TIAM1: variants seen among roughly 807,000 people sequenced by gnomAD.
The protein encoded by TIAM1 is TIAM Rac1 associated GEF 1, also known as rho guanine nucleotide exchange factor TIAM1.
A neutral mutation model predicts 163.5 loss-of-function variants in TIAM1; 65 were observed. The observed-to-expected ratio is 0.40, with a 90% confidence interval of 0.33 to 0.49. TIAM1 has a LOEUF of 0.49. Among genes scored for constraint, TIAM1 ranks in the 20% least tolerant of loss-of-function variants. The pLI is 0.77. For synonymous variants in TIAM1, 833 were observed against 810.1 expected, an observed-to-expected ratio of 1.03 and a Z score of -0.48; for missense variants, 1,789 against 2,044.7, an observed-to-expected ratio of 0.87 and a Z score of 2.41.
chr21:31,415,116 C>T (rs2043326567), intron 2 of TIAM1, among the ~76,000 whole-genome samples: 1 of 152,192 alleles, frequency 6.6e-6, no homozygotes, highest in African/African-American at 2.4e-5. Context: ...CCACGTAAAA[C>T]AAATGGGAGA....
intron 6 of TIAM1, among the ~76,000 whole-genome samples, chr21:31,226,802 T>C (rs563425804): frequency 2.0e-5 from 3 of 152,136 alleles, no homozygotes; most frequent in Non-Finnish European, 4.4e-5. Context: ...TTAGCCCATC[T>C]CAAGAAATAA....
intron 6 of TIAM1, 107 bp from the exon 7 acceptor site, chr21:31,226,057 G>C: frequency 1.1e-6 from 1 of 897,992 alleles, no homozygotes; most frequent in Non-Finnish European, 1.7e-6. Flanking sequence ...GAGGTGACAG[G>C]TCTAGACACC....
intron 1 of TIAM1, among the ~76,000 whole-genome samples, chr21:31,343,934 G>A (rs2076093130): frequency 6.6e-6 from 1 of 152,178 alleles, no homozygotes; most frequent in African/African-American, 2.4e-5. Context: ...GGCAACGCGC[G>A]CCGAGCCTCG....
chr21:31,451,625 C>T (rs2147326355), intron 2 of TIAM1, among the ~76,000 whole-genome samples: 1 of 151,724 alleles, frequency 6.6e-6, no homozygotes, highest in Admixed American at 6.6e-5. Context: ...ACCAACACAG[C>T]AGAAATGTGG....
chr21:31,282,911 C>T (rs1168782498), intron 2 of TIAM1, among the ~76,000 whole-genome samples: 2 of 152,198 alleles, frequency 1.3e-5, no homozygotes, highest in Non-Finnish European at 2.9e-5. Context: ...CAAATATATC[C>T]TAAATAAACT....
rs1355569423 is a variant in TIAM1 at position 31,195,281 on chromosome 21, G to T, written c.2518C>A (p.Pro840Thr). The change falls in exon 13 of 28, where the codon CCA becomes ACA. Residue 840 changes from proline (P) to threonine (T), a missense_variant. Physicochemically the swap from Pro to Thr is conservative, Grantham distance 38 (BLOSUM62 -1). This residue lies in a region of TIAM1 where 456 missense variants were observed against 586.6 expected (regional missense o/e 0.78). Transcript: ENST00000541036. ...ATGTGGATGCTCTGAGTGACTTTTG[G>T]ACAGATTTCAATTTCTTTGTACAGC... ...ELLYKEIEIC[P>T]KVTQSIHIEK... is the part of the protein sequence containing the mutation. 3.1e-6 allele frequency: 5 copies of T among 1,612,970 alleles called. No individual in the cohort carries two copies. Among genetic ancestry groups the T allele is most frequent in the Non-Finnish European group, 4.2e-6 (5 of 1,179,320 alleles).
intron 2 of TIAM1, among the ~76,000 whole-genome samples, chr21:31,280,820 G>GT (rs1569156416): frequency 1.3e-5 from 2 of 150,206 alleles, no homozygotes; most frequent in African/African-American, 4.9e-5. Context: ...ACACTTGGGG[G>GT]TGGGGGGGCA....
intron 16 of TIAM1, chr21:31,160,541 T>C (rs2083864072): frequency 5.0e-6 from 2 of 398,674 alleles, no homozygotes; most frequent in Non-Finnish European, 8.8e-6. Context: ...TCATCAGGAA[T>C]GTATTCTCAT....
At chr21:31,254,370 G>A (rs1256951360) in intron 4 of TIAM1, among the ~76,000 whole-genome samples, 1 of 152,216 alleles carries the variant, frequency 6.6e-6, no homozygotes, top group Admixed American at 6.5e-5. Flanking sequence ...TGACTCAGCT[G>A]CAGGTAGCAC....
intron 1 of TIAM1, among the ~76,000 whole-genome samples, chr21:31,558,415 C>T (rs2048968962): frequency 6.6e-6 from 1 of 152,154 alleles, no homozygotes; most frequent in Non-Finnish European, 1.5e-5. Flanking sequence ...CGGCACGGAT[C>T]GCCAAGGTGA....
chr21:31,449,192 T>G (rs2147320289), intron 2 of TIAM1, among the ~76,000 whole-genome samples: 1 of 152,172 alleles, frequency 6.6e-6, no homozygotes, highest in South Asian at 2.1e-4. Context: ...CTTGAACTCC[T>G]GGGCTCAAGT....
At chr21:31,132,731 G>A (rs1323545976) in intron 23 of TIAM1, among the ~76,000 whole-genome samples, 2 of 152,172 alleles carry the variant, frequency 1.3e-5, no homozygotes, top group South Asian at 2.1e-4. Flanking sequence ...CCTAATCCTC[G>A]GAGCTAGTGT....
chr21:31,480,339 T>C (rs768505152), intron 1 of TIAM1, among the ~76,000 whole-genome samples: 9 of 152,226 alleles, frequency 5.9e-5, no homozygotes, highest in Non-Finnish European at 8.8e-5. Flanking sequence ...TGCTACTCAA[T>C]GACATCCACA....
chr21:31,226,668 C>A (rs577073637), intron 6 of TIAM1, among the ~76,000 whole-genome samples: 13 of 152,274 alleles, frequency 8.5e-5, no homozygotes, highest in African/African-American at 3.1e-4. Flanking sequence ...AGAGACAGCA[C>A]ATGTGATAAC....
chr21:31,440,993 G>A (rs766821243), intron 2 of TIAM1, among the ~76,000 whole-genome samples: 4 of 152,172 alleles, frequency 2.6e-5, no homozygotes, highest in Admixed American at 6.5e-5. Flanking sequence ...GCACCCCATC[G>A]TGGAAGGAAA....
chr21:31,281,106 A>C (rs897740380), intron 2 of TIAM1, among the ~76,000 whole-genome samples: 2 of 150,834 alleles, frequency 1.3e-5, no homozygotes, highest in African/African-American at 2.5e-5. Context: ...AAAAAAAAAA[A>C]AACAACGACA....
intron 11 of TIAM1, among the ~76,000 whole-genome samples, chr21:31,208,569 A>G (rs1385927552): frequency 2.6e-5 from 4 of 152,266 alleles, no homozygotes; most frequent in African/African-American, 9.6e-5. Flanking sequence ...ACCCTCGTAC[A>G]TGAAGGATTC....
intron 1 of TIAM1, among the ~76,000 whole-genome samples, chr21:31,342,503 C>A (rs1410507798): frequency 2.6e-5 from 4 of 152,334 alleles, no homozygotes; most frequent in African/African-American, 9.6e-5. Flanking sequence ...AAAACCTTTG[C>A]TCTATGAACA....
intron 6 of TIAM1, among the ~76,000 whole-genome samples, chr21:31,236,802 G>A (rs924794433): frequency 6.6e-6 from 1 of 152,136 alleles, no homozygotes; most frequent in African/African-American, 2.4e-5. Context: ...AGCCTGCATG[G>A]GGCAGACCAC....
Sources: gnomAD v4.1 joint callset for allele counts (sites outside exome capture counted in the v4.1 genomes callset) on GRCh38, gnomAD v4.1.1 for gene constraint, gnomAD v4.1.1 regional missense constraint, MANE v1.5 for transcripts, NCBI Gene and HGNC (gene_info 2026-07-23, HGNC 2026-07-21) for gene names.